Variants in MPHOSPH9 observed in about 807,000 individuals in gnomAD.
MPHOSPH9 encodes M-phase phosphoprotein 9.
A neutral mutation model predicts 145.5 loss-of-function variants in MPHOSPH9; 88 were observed. The observed-to-expected ratio is 0.60, with a 90% CI of 0.51 to 0.72. The LOEUF (loss-of-function observed/expected upper bound fraction) is 0.72. MPHOSPH9 is among the 30% of genes least tolerant of loss of function. The pLI is 0.00. For synonymous variants in MPHOSPH9, 435 were observed against 486.2 expected, an observed-to-expected ratio of 0.89 and a Z score of 1.39; for missense variants, 1,238 against 1,386.6, an observed-to-expected ratio of 0.89 and a Z score of 1.70.
rs763030103 is a variant in MPHOSPH9, at chr12:123,169,498, TA to T, written c.2457-2710del. On this transcript the variant is annotated intron_variant, in intron 16 of 23. Transcript: ENST00000606320. The stretch of plus-strand genomic sequence containing the variant: ...TGGGCAACAGAGCGAGACTCCGTCT[TA>T]AAAAAAAAAAAAAATCTTCAAACAT... Among the ~76,000 whole-genome samples, 1,062 of 137,490 alleles carry T rather than the reference TA, an allele frequency of 7.7e-3. 7 individuals are homozygous for T. The highest frequency in any genetic ancestry group is 0.017 in the African/African-American group (628 of 37,618). The allele number at this position is 137,490 out of a possible 152,430, so 90.2% of individuals were successfully genotyped here.
intron 15 of MPHOSPH9, among the ~76,000 whole-genome samples, chr12:123,179,468 G>A (rs559640745): frequency 2.6e-5 from 4 of 152,096 alleles, no homozygotes; most frequent in South Asian, 2.1e-4. Context: ...CCAGCTACTC[G>A]GGAGGCTGAG....
chr12:123,203,201 G>C (rs1351045891), intron 9 of MPHOSPH9, 49 bp downstream of exon 9: 3 of 1,604,298 alleles, frequency 1.9e-6, no homozygotes, highest in Non-Finnish European at 2.6e-6. Flanking sequence ...AAAAGTTAGA[G>C]TCAGGAAGCA....
At chr12:123,207,976 C>T (rs186766953) in intron 8 of MPHOSPH9, among the ~76,000 whole-genome samples, 3 of 151,598 alleles carry the variant, frequency 2.0e-5, no homozygotes, top group South Asian at 2.1e-4. Flanking sequence ...CAGTGGCTCA[C>T]GCCTGTATTC....
intron 8 of MPHOSPH9, among the ~76,000 whole-genome samples, chr12:123,206,914 A>G (rs1447469127): frequency 1.3e-5 from 2 of 148,580 alleles, no homozygotes; most frequent in Non-Finnish European, 3.0e-5. Flanking sequence ...CTCCGTCTCA[A>G]AAAAAAAGTT....
At chr12:123,154,173 A>G (rs968697453), downstream of MPHOSPH9, 1 of 150,534 alleles carries the variant, frequency 6.6e-6, no homozygotes, top group African/African-American at 2.4e-5. Context: ...TTCTATTTGC[A>G]TTTTAAAAGG....
At chr12:123,199,170 A>G (rs2046105854) in intron 11 of MPHOSPH9, among the ~76,000 whole-genome samples, 1 of 152,070 alleles carries the variant, frequency 6.6e-6, no homozygotes, top group Non-Finnish European at 1.5e-5. Flanking sequence ...GATTTTTTGT[A>G]GAGATGGGAT....
At chr12:123,220,521 C>T (rs996105048) in intron 5 of MPHOSPH9, among the ~76,000 whole-genome samples, 3 of 151,926 alleles carry the variant, frequency 2.0e-5, no homozygotes, top group East Asian at 1.9e-4. Context: ...GCTGAGATTG[C>T]GCCACTGCAC....
At chr12:123,164,153 T>G in intron 18 of MPHOSPH9, 63 bp from the exon 19 acceptor site, 9 of 1,589,324 alleles carry the variant, frequency 5.7e-6, no homozygotes, top group Non-Finnish European at 7.8e-6. Context: ...GCTTCAGTTA[T>G]CCACCTTTAT....
chr12:123,189,662 C>T (rs1417658615), intron 13 of MPHOSPH9, among the ~76,000 whole-genome samples: 1 of 152,098 alleles, frequency 6.6e-6, no homozygotes, highest in Non-Finnish European at 1.5e-5. Flanking sequence ...AGGCCGGGCA[C>T]GGTGGCTCAC....
intron 5 of MPHOSPH9, among the ~76,000 whole-genome samples, chr12:123,219,707 T>A (rs1163230130): frequency 6.6e-6 from 1 of 152,158 alleles, no homozygotes; most frequent in African/African-American, 2.4e-5. Context: ...TCATTATACT[T>A]GAACATACAT....
rs141997149 is a variant in MPHOSPH9, at chr12:123,162,120, G to A, written c.3128C>T (p.Ser1043Leu). 2.8e-5 allele frequency: 43 copies of A among 1,548,620 alleles called. No individual in the cohort carries two copies. In the African/African-American group the frequency reaches 4.0e-4, roughly 14 times the overall value. The change falls in exon 21 of 24, where the codon TCG becomes TTG. Residue 1043 changes from serine to leucine, a missense_variant. Coordinates refer to ENST00000606320, the MANE Select transcript of MPHOSPH9 (RefSeq NM_022782.4). ...KQLQFLPLDD[S>L]EEKTYSEKAT... is the part of the protein sequence containing the mutation. Reference sequence around the variant, plus strand: ...TATTTTTTAGGAAAAGATACCTTCCGAGTCATCTAGAGGAAGAAACTGGAG... The same window carrying A: ...TATTTTTTAGGAAAAGATACCTTCCAAGTCATCTAGAGGAAGAAACTGGAG...
chr12:123,190,969 C>A (rs908757472), intron 13 of MPHOSPH9, among the ~76,000 whole-genome samples: 5 of 152,132 alleles, frequency 3.3e-5, no homozygotes, highest in African/African-American at 4.8e-5. Context: ...TCTAGCTATC[C>A]TTTGCTGCTT....
intron 3 of MPHOSPH9, among the ~76,000 whole-genome samples, chr12:123,226,090 C>A (rs2047425071): frequency 1.3e-5 from 2 of 152,180 alleles, no homozygotes; most frequent in Non-Finnish European, 2.9e-5. Context: ...TTAAGGGAAG[C>A]ATTTAATATA....
At position 123,159,296 on chromosome 12, in the gene MPHOSPH9, T is replaced by C. The variant is rs1306643383; in HGVS notation, c.3450+1485A>G. 1.3e-5 allele frequency among the ~76,000 whole-genome samples: 2 copies of C among 152,046 alleles called. No homozygotes were observed. Among genetic ancestry groups the C allele is most frequent in the African/African-American group, 2.4e-5 (1 of 41,406 alleles). On this transcript the variant is annotated intron_variant, in intron 23 of 23. Transcript: ENST00000606320. This position sits in a 1 kb window ranked among gnomAD's most constrained non-coding sequence, Gnocchi z 4.3. ...CTCATGCCTCAGCCTCCCGAGTAGC[T>C]AGGACTGCAGGCGTGCACTACCACG...
chr12:123,206,673 G>A (rs2046450668), intron 8 of MPHOSPH9, among the ~76,000 whole-genome samples: 1 of 151,870 alleles, frequency 6.6e-6, no homozygotes, highest in Non-Finnish European at 1.5e-5. Flanking sequence ...CAGCACTTTG[G>A]GAGGCTGAGG....
chr12:123,164,360 G>A (rs1414131393), intron 18 of MPHOSPH9, among the ~76,000 whole-genome samples: 2 of 152,198 alleles, frequency 1.3e-5, no homozygotes, highest in African/African-American at 2.4e-5. Context: ...GGCATTCAAG[G>A]TGATTTTCAA....
At chr12:123,203,211 A>G (rs546309670) in intron 9 of MPHOSPH9, 39 bp downstream of exon 9, 3 of 1,608,254 alleles carry the variant, frequency 1.9e-6, no homozygotes, top group Non-Finnish European at 2.5e-6. Context: ...GTCAGGAAGC[A>G]TTGTTCACGT....
In MPHOSPH9 at chr12:123,160,807, T is replaced by C. The variant is rs1304474433; in HGVS notation, c.3424A>G (p.Ile1142Val). 1 of 1,613,920 alleles carries C rather than the reference T, an allele frequency of 6.2e-7. No individual in the cohort carries two copies. Among genetic ancestry groups the C allele is most frequent in the African/African-American group, 1.3e-5 (1 of 74,946 alleles). Residue 1142 changes from isoleucine to valine, a missense_variant, in exon 23 of 24, where the codon ATC (isoleucine) becomes GTC (valine). Ile to Val is a conservative substitution (Grantham distance 29). Transcript: ENST00000606320. ...LSRMPSPGGR[I>V]TLQTRLNQEA... ...TGATTTAATCTTGTCTGTAAAGTGA[T>C]TCGTCCTCCAGGAGAAGGCATCCTG... is the stretch of plus-strand genomic sequence containing the variant.
rs768491907 is a variant in MPHOSPH9, at chr12:123,161,192, G to A, written c.3325C>T (p.Arg1109Trp). ...AATCGTTCTGTTTCAGCTAGGGTCC[G>A]AATTTTTGCTGTATATTCAAAATCA... ...GNDFEYTAKI[R>W]TLAETERFFD... The change falls in exon 22 of 24, where the codon CGG (arginine) becomes TGG (tryptophan). Residue 1109 changes from arginine to tryptophan, a missense_variant. By Grantham distance (101) the Arg-to-Trp change is moderately radical. Around this residue, in one of 3 missense-constraint regions of MPHOSPH9, gnomAD observed 393 missense variants for 462.5 expected, o/e 0.85. Transcript: ENST00000606320. 8.7e-6 allele frequency: 14 copies of A among 1,613,950 alleles called. No individual in the cohort carries two copies. The highest frequency in any genetic ancestry group is 4.5e-5 in the East Asian group (2 of 44,888).
Sources: gnomAD v4.1 joint callset for allele counts (sites outside exome capture counted in the v4.1 genomes callset) on GRCh38, gnomAD v4.1.1 for gene constraint, gnomAD v4.1.1 regional missense constraint, Gnocchi (gnomAD v3.1) non-coding constraint, MANE v1.5 for transcripts, NCBI Gene and HGNC (gene_info 2026-07-23, HGNC 2026-07-21) for gene names.